The following RGS7BP variants were observed in gnomAD, a reference collection of about 807,000 sequenced individuals.
RGS7BP encodes the protein regulator of G protein signaling 7-binding protein.
A neutral mutation model predicts 31.3 loss-of-function variants in RGS7BP; 9 were observed. That is an observed-to-expected ratio of 0.29 (90% CI 0.17 to 0.50). The LOEUF (loss-of-function observed/expected upper bound fraction) is 0.50, where lower values mean the gene tolerates loss of function less well. RGS7BP is among the 20% of genes least tolerant of loss of function. RGS7BP has a pLI of 0.98. For synonymous variants in RGS7BP, 115 were observed against 120.1 expected (o/e 0.96, Z 0.28); for missense variants, 274 against 322.0 (o/e 0.85, Z 1.14).
intron 2 of RGS7BP, among the ~76,000 whole-genome samples, chr5:64,564,892 C>T (rs1415981547): frequency 6.6e-6 from 1 of 151,956 alleles, no homozygotes; most frequent in Non-Finnish European, 1.5e-5. Flanking sequence ...TGCTGCCACT[C>T]CAGAGCAGGC....
intron 2 of RGS7BP, among the ~76,000 whole-genome samples, chr5:64,520,760 G>T (rs1749084658): frequency 6.6e-6 from 1 of 152,196 alleles, no homozygotes; most frequent in South Asian, 2.1e-4. Context: ...TTGGCCACCT[G>T]CTCCCCTTCA....
chr5:64,573,468 A>T (rs540240143), intron 2 of RGS7BP: 1 of 152,282 alleles, frequency 6.6e-6, no homozygotes, highest in Admixed American at 6.5e-5. Context: ...CATGGCTTGG[A>T]TGCTACTGTA....
At chr5:64,574,797 C>T (rs1275503399) in intron 2 of RGS7BP, among the ~76,000 whole-genome samples, 1 of 152,152 alleles carries the variant, frequency 6.6e-6, no homozygotes, top group Admixed American at 6.6e-5. Flanking sequence ...GCCACTGACC[C>T]ACATTACAAA....
chr5:64,536,655 G>A (rs1022664459), intron 2 of RGS7BP, among the ~76,000 whole-genome samples: 3 of 152,186 alleles, frequency 2.0e-5, no homozygotes, highest in African/African-American at 7.2e-5. Flanking sequence ...ACTGGATTAA[G>A]GGAAACTTTC....
intron 5 of RGS7BP, among the ~76,000 whole-genome samples, chr5:64,599,020 G>A (rs1743151854): frequency 6.6e-6 from 1 of 152,106 alleles, no homozygotes. Flanking sequence ...CTATCCTATG[G>A]GAGTATATGC....
At chr5:64,596,636 C>CCT (rs1743076717) in intron 4 of RGS7BP, among the ~76,000 whole-genome samples, 1 of 152,162 alleles carries the variant, frequency 6.6e-6, no homozygotes. Context: ...CTCCTGCCCT[C>CCT]CTCTCTCACT....
rs118107004 is a variant in RGS7BP, at chr5:64,523,529, A to C, written c.332+15652A>C. 4.2e-4 allele frequency among the ~76,000 whole-genome samples: 64 copies of C among 152,338 alleles called. 1 individual carries two copies. The East Asian group carries it at 0.012, about 28-fold the overall frequency. On this transcript the variant is annotated intron_variant, in intron 2 of 5. Coordinates refer to ENST00000334025, the MANE Select transcript of RGS7BP (RefSeq NM_001029875.3). ...ATTTGTAGATTGTTGGATGTGAACA[A>C]TTAAAGAAATGCCTGAGTGTTTTAT... is the stretch of plus-strand genomic sequence containing the variant.
At chr5:64,546,343 G>A (rs1741658646) in intron 2 of RGS7BP, among the ~76,000 whole-genome samples, 1 of 151,902 alleles carries the variant, frequency 6.6e-6, no homozygotes, top group Non-Finnish European at 1.5e-5. Context: ...TAAGACCCTG[G>A]AGACCAAGAA....
chr5:64,515,827 T>C (rs1023962284), intron 2 of RGS7BP, among the ~76,000 whole-genome samples: 23 of 150,912 alleles, frequency 1.5e-4, no homozygotes, highest in African/African-American at 5.6e-4. Context: ...ATTTAGCAAA[T>C]AATAATAATT....
intron 3 of RGS7BP, among the ~76,000 whole-genome samples, chr5:64,584,744 T>C (rs922824696): frequency 4.6e-5 from 7 of 152,190 alleles, no homozygotes; most frequent in African/African-American, 1.7e-4. Flanking sequence ...TCTTCTGAAC[T>C]GGAAAATGTT....
At chr5:64,594,114 A>G (rs901985862) in intron 3 of RGS7BP, among the ~76,000 whole-genome samples, 2 of 152,126 alleles carry the variant, frequency 1.3e-5, no homozygotes, top group Non-Finnish European at 2.9e-5. Context: ...ATTTGAGTTG[A>G]CGGTGTTTTA....
intron 3 of RGS7BP, among the ~76,000 whole-genome samples, chr5:64,593,856 A>G (rs1434588799): frequency 1.3e-5 from 2 of 152,168 alleles, no homozygotes; most frequent in African/African-American, 4.8e-5. Flanking sequence ...GACCATTTCC[A>G]TGATACTAGG....
chr5:64,603,788 C>A (rs1164905176), intron 5 of RGS7BP, among the ~76,000 whole-genome samples: 2 of 152,058 alleles, frequency 1.3e-5, no homozygotes, highest in African/African-American at 4.8e-5. Context: ...GGGGTAAATT[C>A]ATTAAGACTT....
intron 2 of RGS7BP, among the ~76,000 whole-genome samples, chr5:64,532,961 A>G (rs1292894657): frequency 6.6e-6 from 1 of 152,114 alleles, no homozygotes; most frequent in Non-Finnish European, 1.5e-5. Flanking sequence ...CAATATACAC[A>G]TACTGATTGG....
chr5:64,511,471 T>A (rs1169022070), intron 2 of RGS7BP, among the ~76,000 whole-genome samples: 1 of 152,204 alleles, frequency 6.6e-6, no homozygotes, highest in Non-Finnish European at 1.5e-5. Flanking sequence ...CCTCAAACTT[T>A]TTTAGCAGCA....
At chr5:64,558,888 C>T (rs574972694) in intron 2 of RGS7BP, among the ~76,000 whole-genome samples, 2 of 152,292 alleles carry the variant, frequency 1.3e-5, no homozygotes, top group Admixed American at 6.5e-5. Flanking sequence ...CCTCCTGCAG[C>T]GCCCCCAGGC....
In RGS7BP at chr5:64,529,965, A is replaced by G. The variant is rs544475342; in HGVS notation, c.332+22088A>G. On this transcript the variant is annotated intron_variant, in intron 2 of 5. Transcript: ENST00000334025. The stretch of plus-strand genomic sequence containing the variant: ...TATACTTCTATACTTCAGGACTTCT[A>G]TACCATTTCCATACCAGGTGACATC... Among the ~76,000 whole-genome samples the G allele has an allele frequency of 7.2e-5, 11 of 152,360 alleles. 1 individual carries two copies. The highest frequency in any genetic ancestry group is 2.4e-4 in the African/African-American group (10 of 41,584).
At chr5:64,511,216 T>C (rs1365245611) in intron 2 of RGS7BP, among the ~76,000 whole-genome samples, 1 of 152,228 alleles carries the variant, frequency 6.6e-6, no homozygotes, top group Non-Finnish European at 1.5e-5. Flanking sequence ...ACTGGCCCTG[T>C]TTAAGAAGGC....
intron 2 of RGS7BP, among the ~76,000 whole-genome samples, chr5:64,562,895 G>A (rs1742086916): frequency 6.6e-6 from 1 of 152,094 alleles, no homozygotes; most frequent in Non-Finnish European, 1.5e-5. Flanking sequence ...TAGGTGCTAG[G>A]GAAAGCCAGA....
Sources: gnomAD v4.1 joint callset for allele counts (sites outside exome capture counted in the v4.1 genomes callset) on GRCh38, gnomAD v4.1.1 for gene constraint, MANE v1.5 for transcripts, NCBI Gene and HGNC (gene_info 2026-07-23, HGNC 2026-07-21) for gene names.